Variants in GRM7 observed in about 807,000 individuals in gnomAD.
GRM7 encodes metabotropic glutamate receptor 7.
Under a neutral mutation model 84.5 loss-of-function variants are expected in GRM7, and 35 were observed. That is an observed-to-expected ratio of 0.41 (90% CI 0.32 to 0.55). The LOEUF (loss-of-function observed/expected upper bound fraction) is 0.55, where lower values mean the gene tolerates loss of function less well. Among genes scored for constraint, GRM7 ranks in the 20% least tolerant of loss-of-function variants. The pLI, the probability that GRM7 is intolerant of heterozygous loss-of-function variation, is 0.19. For synonymous variants in GRM7, 487 were observed against 455.1 expected (o/e 1.07, Z -0.89); for missense variants, 1,003 against 1,194.6 (o/e 0.84, Z 2.36).
intron 2 of GRM7, among the ~76,000 whole-genome samples, chr3:7,272,685 C>T (rs770768295): frequency 4.0e-5 from 6 of 151,700 alleles, no homozygotes; most frequent in African/African-American, 7.3e-5. Flanking sequence ...TCTTGGGATT[C>T]GTAGTGATGT....
chr3:7,210,108 CATAAA>C (rs1212878583), intron 2 of GRM7, among the ~76,000 whole-genome samples: 2 of 152,170 alleles, frequency 1.3e-5, no homozygotes, highest in Non-Finnish European at 2.9e-5. Context: ...AGTTCAATCC[CATAAA>C]ATATCTCTTT....
At chr3:7,610,716 T>C (rs187352852) in intron 8 of GRM7, among the ~76,000 whole-genome samples, 15 of 152,284 alleles carry the variant, frequency 9.9e-5, no homozygotes, top group Non-Finnish European at 1.8e-4. Flanking sequence ...CAGGGCATTA[T>C]ATCCAAATTT....
At chr3:7,734,615 A>G (rs957543068) in intron 9 of GRM7, among the ~76,000 whole-genome samples, 11 of 152,198 alleles carry the variant, frequency 7.2e-5, no homozygotes, top group Admixed American at 7.2e-4. Context: ...CTGACTGATC[A>G]TGTTTTTACC....
At chr3:6,899,234 A>C (rs1353398047) in intron 1 of GRM7, among the ~76,000 whole-genome samples, 1 of 152,104 alleles carries the variant, frequency 6.6e-6, no homozygotes, top group South Asian at 2.1e-4. Flanking sequence ...AGTTTTATCT[A>C]TTTCTATAGG....
chr3:6,909,820 A>T (rs1696704839), intron 1 of GRM7, among the ~76,000 whole-genome samples: 2 of 152,126 alleles, frequency 1.3e-5, no homozygotes, highest in Non-Finnish European at 2.9e-5. Flanking sequence ...TTTTCTATCC[A>T]TGATATATAA....
At chr3:7,298,646 G>A (rs756836989) in intron 2 of GRM7, 38 bp from the exon 3 acceptor site, 1 of 1,581,072 alleles carries the variant, frequency 6.3e-7, no homozygotes, top group Non-Finnish European at 8.7e-7. Context: ...CATCTCTGTG[G>A]AAACATTATT....
At chr3:7,708,677 C>T (rs965564675) in intron 9 of GRM7, among the ~76,000 whole-genome samples, 3 of 152,014 alleles carry the variant, frequency 2.0e-5, no homozygotes, top group Non-Finnish European at 4.4e-5. Context: ...AGTTTGAAGG[C>T]AGTAGTAGAG....
At chr3:7,095,050 A>G (rs34570230) in intron 1 of GRM7, among the ~76,000 whole-genome samples, 2,974 of 150,920 alleles carry the variant, frequency 0.02, 71 homozygotes, top group Non-Finnish European at 0.022. Context: ...TCCCTCTCCT[A>G]CAATATGTTC....
intron 1 of GRM7, among the ~76,000 whole-genome samples, chr3:6,906,488 A>T (rs920617789): frequency 1.6e-4 from 24 of 152,176 alleles, no homozygotes; most frequent in Admixed American, 1.4e-3. Flanking sequence ...TGACTTAAAA[A>T]TTTTATTCTT....
intron 8 of GRM7, among the ~76,000 whole-genome samples, chr3:7,673,480 T>TAGGAA (rs770776634): frequency 9.6e-5 from 14 of 146,318 alleles, no homozygotes; most frequent in Non-Finnish European, 1.6e-4. Context: ...GAAACCGGGT[T>TAGGAA]AGAGATACAA....
At chr3:7,070,700 T>C (rs967212075) in intron 1 of GRM7, among the ~76,000 whole-genome samples, 1 of 152,030 alleles carries the variant, frequency 6.6e-6, no homozygotes, top group African/African-American at 2.4e-5. Context: ...GAGTTTTGAA[T>C]GTCTTAGTAC....
chr3:7,388,958 A>T (rs1694889505), intron 4 of GRM7, among the ~76,000 whole-genome samples: 1 of 151,858 alleles, frequency 6.6e-6, no homozygotes, highest in Non-Finnish European at 1.5e-5. Context: ...AGTTCCTTTA[A>T]ATGTGAATTT....
intron 4 of GRM7, among the ~76,000 whole-genome samples, chr3:7,372,036 T>C (rs1202208166): frequency 6.6e-6 from 1 of 152,010 alleles, no homozygotes; most frequent in Non-Finnish European, 1.5e-5. Flanking sequence ...CAGGGCCTGA[T>C]AGGAGAGAGG....
chr3:7,634,969 G>A (rs976847052), intron 8 of GRM7, among the ~76,000 whole-genome samples: 1 of 152,182 alleles, frequency 6.6e-6, no homozygotes, highest in Non-Finnish European at 1.5e-5. Context: ...TGGACAGGTA[G>A]TATTAACCAC....
At chr3:7,390,940 G>C (rs1239926882) in intron 4 of GRM7, among the ~76,000 whole-genome samples, 2 of 152,066 alleles carry the variant, frequency 1.3e-5, no homozygotes, top group Admixed American at 6.6e-5. Context: ...TTAATTGCCA[G>C]CATTCTTGTG....
chr3:6,975,209 C>A (rs369860511), intron 1 of GRM7, among the ~76,000 whole-genome samples: 2 of 152,026 alleles, frequency 1.3e-5, no homozygotes, highest in Non-Finnish European at 2.9e-5. Flanking sequence ...AATTCCCAAT[C>A]GGATAATGAG....
chr3:7,443,785 A>T (rs796119616), intron 5 of GRM7, among the ~76,000 whole-genome samples: 1 of 152,198 alleles, frequency 6.6e-6, no homozygotes, highest in Non-Finnish European at 1.5e-5. Flanking sequence ...TGTTATTAAC[A>T]TAAGAAATGA....
At chr3:7,341,456 CTAGA>C (rs1390798549) in intron 4 of GRM7, among the ~76,000 whole-genome samples, 1 of 151,598 alleles carries the variant, frequency 6.6e-6, no homozygotes, top group African/African-American at 2.4e-5. Context: ...TCATGTACTA[CTAGA>C]TAGAGTATTA....
chr3:7,455,725 A>C (rs1697981065), intron 6 of GRM7, among the ~76,000 whole-genome samples: 1 of 152,180 alleles, frequency 6.6e-6, no homozygotes, highest in Non-Finnish European at 1.5e-5. Flanking sequence ...TGTCAAATGT[A>C]ATGGGGAAAT....
Sources: gnomAD v4.1 joint callset for allele counts (sites outside exome capture counted in the v4.1 genomes callset) on GRCh38, gnomAD v4.1.1 for gene constraint, MANE v1.5 for transcripts, NCBI Gene and HGNC (gene_info 2026-07-23, HGNC 2026-07-21) for gene names.